CFAP54: variants seen among roughly 807,000 people sequenced by gnomAD.
The protein encoded by CFAP54 is cilia and flagella associated protein 54.
In CFAP54, 290 loss-of-function variants were observed where a neutral mutation model predicts 370.4. That is an observed-to-expected ratio of 0.78 (90% confidence interval 0.71 to 0.86). CFAP54 has a LOEUF of 0.86. CFAP54 is among the 40% of genes least tolerant of loss of function. CFAP54 has a pLI of 0.00. For missense variants in CFAP54, 3,399 were observed against 3,528.7 expected, an observed-to-expected ratio of 0.96 and a Z score of 0.93; for synonymous variants, 1,206 against 1,236.5, an observed-to-expected ratio of 0.98 and a Z score of 0.52.
At chr12:96,743,291 CCT>C (rs1958072561) in intron 52 of CFAP54, 109 bp from the exon 53 acceptor site, 2 of 1,025,764 alleles carry the variant, frequency 1.9e-6, no homozygotes, top group African/African-American at 1.6e-5. Context: ...AATATACTCC[CCT>C]GTTCTTTGAT....
At chr12:96,708,978 TTA>T (rs1207827592) in intron 48 of CFAP54, among the ~76,000 whole-genome samples, 175 bp downstream of exon 48, 2 of 152,164 alleles carry the variant, frequency 1.3e-5, no homozygotes, top group Non-Finnish European at 2.9e-5. Context: ...ACATACGTGT[TTA>T]TATATATATC....
chr12:96,642,875 G>A (rs1956747786), intron 32 of CFAP54, among the ~76,000 whole-genome samples: 1 of 152,098 alleles, frequency 6.6e-6, no homozygotes, highest in African/African-American at 2.4e-5. Flanking sequence ...CTGTTCAGAT[G>A]ATAGGAGGAA....
intron 39 of CFAP54, among the ~76,000 whole-genome samples, chr12:96,677,010 T>C (rs1347303135): frequency 9.5e-5 from 3 of 31,524 alleles, no homozygotes; most frequent in African/African-American, 2.9e-4. Flanking sequence ...TTCTTTTCTT[T>C]TCTTTTTTTT....
intron 11 of CFAP54, among the ~76,000 whole-genome samples, chr12:96,535,008 CTGTGTGTGTGTGTGTGTGTGTGTGTG>C (rs4018882): frequency 2.9e-5 from 4 of 137,338 alleles, no homozygotes; most frequent in African/African-American, 1.1e-4. Flanking sequence ...GTTTTCTTTT[CTGTGTGTGTGTGTGTGTGTGTGTGTG>C]TGTGTGTGTG....
chr12:96,867,295 A>T (rs11108721), intron 67 of CFAP54, among the ~76,000 whole-genome samples: 57,983 of 151,792 alleles, frequency 0.38, 11,637 homozygotes, highest in East Asian at 0.54. Flanking sequence ...TTAAAAAAAA[A>T]TTATCAAATT....
At chr12:96,837,710 G>A (rs1322779162) in intron 66 of CFAP54, among the ~76,000 whole-genome samples, 1 of 152,220 alleles carries the variant, frequency 6.6e-6, no homozygotes, top group Non-Finnish European at 1.5e-5. Flanking sequence ...GCCATTAACA[G>A]TGATTTCGAG....
chr12:96,610,289 CT>C (rs1474366876), intron 26 of CFAP54, among the ~76,000 whole-genome samples: 1 of 152,118 alleles, frequency 6.6e-6, no homozygotes, highest in Non-Finnish European at 1.5e-5. Context: ...AAGCCAGAAC[CT>C]TGTCTCATGC....
intron 1 of CFAP54, among the ~76,000 whole-genome samples, chr12:96,495,643 T>G (rs1387846027): frequency 2.0e-5 from 3 of 152,042 alleles, no homozygotes; most frequent in Non-Finnish European, 4.4e-5. Context: ...TAGAACATTT[T>G]ACATATCTAG....
At position 96,809,259 on chromosome 12, in the gene CFAP54, T is replaced by C. The variant is rs1958908931; in HGVS notation, c.8851-2477T>C. ...TCATGGCCTTTTTTTATTTAATAAT[T>C]TCCTCCCTCTGATTATCTTAGTACC... On this transcript the variant is annotated intron_variant, in intron 63 of 67. Transcript: ENST00000524981. Among the ~76,000 whole-genome samples, 3 of 152,128 alleles carry C rather than the reference T, an allele frequency of 2.0e-5. No individual in the cohort carries two copies. In the South Asian group the frequency reaches 6.2e-4, roughly 31 times the overall value.
chr12:96,794,830 C>G (rs1160192097), intron 63 of CFAP54, among the ~76,000 whole-genome samples: 1 of 152,024 alleles, frequency 6.6e-6, no homozygotes, highest in Non-Finnish European at 1.5e-5. Flanking sequence ...GTCATATTAC[C>G]AGAATTGTTT....
Position 96,801,337 on chromosome 12 carries a change from A to C in CFAP54, c.8850+8838A>C, listed in dbSNP as rs188921616. 1.5e-3 allele frequency among the ~76,000 whole-genome samples: 224 copies of C among 152,348 alleles called. 1 individual carries two copies. The highest frequency in any genetic ancestry group is 4.9e-3 in the African/African-American group (204 of 41,574). On this transcript the variant is annotated intron_variant, in intron 63 of 67. Coordinates refer to ENST00000524981, the MANE Select transcript of CFAP54 (RefSeq NM_001306084.2). ...GGTTGACAAAATTATCTTTAATAGA[A>C]TATAATAGAACCACATTACAAGCTA...
intron 60 of CFAP54, 128 bp downstream of exon 60, chr12:96,765,346 G>T: frequency 1.3e-6 from 1 of 791,768 alleles, no homozygotes; most frequent in Non-Finnish European, 1.8e-6. Context: ...GCACTTCCAG[G>T]GGATCATAGG....
At chr12:96,659,771 G>T (rs11108624) in intron 38 of CFAP54, among the ~76,000 whole-genome samples, 5,531 of 152,260 alleles carry the variant, frequency 0.036, 141 homozygotes, top group African/African-American at 0.075. Flanking sequence ...CTGCCCAAGG[G>T]CCCCTGGCAT....
At chr12:96,586,660 G>T (rs1427197788) in intron 22 of CFAP54, among the ~76,000 whole-genome samples, 2 of 152,148 alleles carry the variant, frequency 1.3e-5, no homozygotes. Context: ...GGGACCCATG[G>T]AGAGTAAAAG....
chr12:96,629,552 A>T (rs1180037099), intron 30 of CFAP54, among the ~76,000 whole-genome samples: 1 of 151,230 alleles, frequency 6.6e-6, no homozygotes, highest in Non-Finnish European at 1.5e-5. Context: ...TGACCTCGTG[A>T]TCCACCCGCC....
rs1955733486 is a variant in CFAP54 at position 96,554,713 on chromosome 12, T to G, written c.2321T>G (p.Leu774Arg). 1 of 1,535,046 alleles carries G rather than the reference T, an allele frequency of 6.5e-7. No homozygotes were observed. Among genetic ancestry groups the G allele is most frequent in the Non-Finnish European group, 8.7e-7 (1 of 1,146,194 alleles). ...HHIDGDTYKPLASNSFMMDLH... is the reference protein window; with the variant it reads ...HHIDGDTYKPRASNSFMMDLH... ...ATAGATGGAGATACTTACAAACCAC[T>G]TGCCTCAAATAGTTTCATGATGGAT... Residue 774 changes from leucine (L) to arginine (R), a missense_variant, in exon 17 of 68, where the codon CTT (leucine) becomes CGT (arginine). Around this residue, in one of 3 missense-constraint regions of CFAP54, gnomAD observed 2,796 missense variants for 2,869.7 expected, o/e 0.97. Transcript: ENST00000524981.
chr12:96,664,116 T>C (rs1957028854), intron 39 of CFAP54, among the ~76,000 whole-genome samples, 184 bp downstream of exon 39: 1 of 152,226 alleles, frequency 6.6e-6, no homozygotes, highest in Non-Finnish European at 1.5e-5. Context: ...TTAAGGGGGA[T>C]TAAAACACAT....
chr12:96,843,528 C>T (rs1176589213), intron 66 of CFAP54, among the ~76,000 whole-genome samples: 1 of 152,142 alleles, frequency 6.6e-6, no homozygotes, highest in Non-Finnish European at 1.5e-5. Context: ...TTCTGCTGTG[C>T]TAACAAATAA....
chr12:96,805,269 C>T (rs535889218), intron 63 of CFAP54, among the ~76,000 whole-genome samples: 3 of 151,772 alleles, frequency 2.0e-5, no homozygotes, highest in Non-Finnish European at 4.4e-5. Flanking sequence ...AAAAGCTACA[C>T]AGCAAAGGAA....
Sources: gnomAD v4.1 joint callset for allele counts (sites outside exome capture counted in the v4.1 genomes callset) on GRCh38, gnomAD v4.1.1 for gene constraint, gnomAD v4.1.1 regional missense constraint, MANE v1.5 for transcripts, NCBI Gene and HGNC (gene_info 2026-07-23, HGNC 2026-07-21) for gene names.